RPS6KA2: variants seen among roughly 807,000 people sequenced by gnomAD.
The protein encoded by RPS6KA2 is ribosomal protein S6 kinase alpha-2.
In RPS6KA2, 42 loss-of-function variants were observed where a neutral mutation model predicts 91.8. The ratio of observed to expected loss-of-function variants is 0.46; its 90% CI spans 0.36 to 0.59. The LOEUF (loss-of-function observed/expected upper bound fraction) is 0.59. Ranked by LOEUF, RPS6KA2 falls within the 20% of genes least tolerant of loss-of-function variation. The pLI, the probability that RPS6KA2 is intolerant of heterozygous loss-of-function variation, is 0.00. For synonymous variants in RPS6KA2, 414 were observed against 393.6 expected (o/e 1.05, Z -0.61); for missense variants, 798 against 978.5 (o/e 0.82, Z 2.46).
intron 10 of RPS6KA2, among the ~76,000 whole-genome samples, chr6:166,485,027 C>T (rs1485942873): frequency 6.6e-6 from 1 of 152,238 alleles, no homozygotes. Flanking sequence ...CGAAGAACGA[C>T]CTGTTCTCCT....
chr6:166,601,860 C>A (rs1785741972), intron 1 of RPS6KA2, among the ~76,000 whole-genome samples: 1 of 151,990 alleles, frequency 6.6e-6, no homozygotes, highest in African/African-American at 2.4e-5. Context: ...ACACAGAAAG[C>A]ATATAATGTA....
At chr6:166,721,859 TGC>T (rs1790185461) in intron 2 of RPS6KA2, among the ~76,000 whole-genome samples, 2 of 98,536 alleles carry the variant, frequency 2.0e-5, no homozygotes, top group Non-Finnish European at 4.3e-5. Context: ...GAGGAGCCGG[TGC>T]CAGCCTCGGC....
chr6:166,836,878 C>T (rs1047868745), intron 2 of RPS6KA2, among the ~76,000 whole-genome samples: 11 of 152,208 alleles, frequency 7.2e-5, no homozygotes, highest in African/African-American at 2.2e-4. Flanking sequence ...GTCCCTGAGC[C>T]GGGATTTGTC....
At chr6:166,424,189 A>G (rs1309226997) in intron 16 of RPS6KA2, among the ~76,000 whole-genome samples, 1 of 152,230 alleles carries the variant, frequency 6.6e-6, no homozygotes, top group Non-Finnish European at 1.5e-5. Flanking sequence ...CCTGGTTTAC[A>G]GAGGTCCTGA....
intron 2 of RPS6KA2, among the ~76,000 whole-genome samples, chr6:166,768,359 G>A (rs1778375899): frequency 6.6e-6 from 1 of 152,206 alleles, no homozygotes; most frequent in Admixed American, 6.5e-5. Flanking sequence ...ACAATTAGCT[G>A]TGAAACTAGA....
At chr6:166,620,976 C>A (rs1786605026) in intron 1 of RPS6KA2, among the ~76,000 whole-genome samples, 1 of 152,158 alleles carries the variant, frequency 6.6e-6, no homozygotes, top group African/African-American at 2.4e-5. Flanking sequence ...AACAGGGACA[C>A]CACCTGCTCC....
chr6:166,446,951 C>T (rs1172067753), intron 14 of RPS6KA2, among the ~76,000 whole-genome samples: 1 of 152,128 alleles, frequency 6.6e-6, no homozygotes, highest in African/African-American at 2.4e-5. Flanking sequence ...TTTCAAAGTA[C>T]AAGTGAAATT....
At chr6:166,457,646 C>A (rs1780146256) in intron 12 of RPS6KA2, among the ~76,000 whole-genome samples, 1 of 152,198 alleles carries the variant, frequency 6.6e-6, no homozygotes, top group Non-Finnish European at 1.5e-5. Flanking sequence ...AATCAGCTTT[C>A]TTCCTGTTCT....
In RPS6KA2 at chr6:166,821,480, C is replaced by T. The variant is rs1230664946; in HGVS notation, c.123+36720G>A. 6.6e-6 allele frequency among the ~76,000 whole-genome samples: 1 copy of T among 152,136 alleles called. No individual in the cohort carries two copies. Among genetic ancestry groups the T allele is most frequent in the East Asian group, 1.9e-4 (1 of 5,186 alleles). The stretch of plus-strand genomic sequence containing the variant: ...TGTCTTCTTCCAGAAATCCCGGCTT[C>T]TCCTGTAAACGCTGCAGTCAGTCTC... On this transcript the variant is annotated intron_variant, in intron 2 of 21. Coordinates refer to the RPS6KA2 transcript ENST00000503859. The surrounding 1 kb of genome is among the most constrained non-coding windows in gnomAD (Gnocchi z 4.1).
At chr6:166,642,267 A>G (rs1488511265) in intron 2 of RPS6KA2, among the ~76,000 whole-genome samples, 1 of 152,234 alleles carries the variant, frequency 6.6e-6, no homozygotes, top group East Asian at 1.9e-4. Flanking sequence ...GTGCTAAGAG[A>G]AAATAACTTT....
In RPS6KA2 at chr6:166,561,217, GCAGGAGCCCT is replaced by G. The variant is rs1400335467; in HGVS notation, c.100-22443_100-22434del. 5.3e-5 allele frequency among the ~76,000 whole-genome samples: 8 copies of G among 152,252 alleles called. No homozygotes were observed. In the East Asian group the frequency reaches 1.4e-3, roughly 26 times the overall value. Reference sequence around the variant, plus strand: ...TCAGGAGACCCTGGAAGGCCAGCGGGCAGGAGCCCTGACCTGCAAATGTGTTGTCATCTCC... The same window carrying G: ...TCAGGAGACCCTGGAAGGCCAGCGGGGACCTGCAAATGTGTTGTCATCTCC... On this transcript the variant is annotated intron_variant, in intron 1 of 20. Transcript: ENST00000265678.
intron 3 of RPS6KA2, among the ~76,000 whole-genome samples, chr6:166,527,750 T>G (rs971242185): frequency 1.3e-5 from 2 of 152,094 alleles, no homozygotes; most frequent in Non-Finnish European, 2.9e-5. Flanking sequence ...CTCATCTACT[T>G]CCTGTCTCTA....
chr6:166,661,500 C>T (rs958489635), intron 2 of RPS6KA2, among the ~76,000 whole-genome samples: 15 of 151,996 alleles, frequency 9.9e-5, no homozygotes, highest in African/African-American at 3.6e-4. Flanking sequence ...AAATTATGTC[C>T]GAGTCCTTTG....
chr6:166,579,147 G>C (rs775390862), intron 1 of RPS6KA2, among the ~76,000 whole-genome samples: 18 of 152,144 alleles, frequency 1.2e-4, no homozygotes, highest in Non-Finnish European at 2.2e-4. Context: ...CTGCCAAAGG[G>C]GTTTGTGATC....
chr6:166,796,946 C>T (rs1338246945), intron 2 of RPS6KA2, among the ~76,000 whole-genome samples: 2 of 152,256 alleles, frequency 1.3e-5, no homozygotes, highest in East Asian at 3.8e-4. Flanking sequence ...TGGAGGCTCC[C>T]AGGTACCGAA....
chr6:166,746,095 T>A (rs761497666), intron 2 of RPS6KA2, among the ~76,000 whole-genome samples: 21 of 152,128 alleles, frequency 1.4e-4, no homozygotes, highest in Non-Finnish European at 2.8e-4. Flanking sequence ...CTCTACAGAT[T>A]TCTTTAGATG....
At chr6:166,777,712 A>G (rs1778662139) in intron 2 of RPS6KA2, among the ~76,000 whole-genome samples, 1 of 152,242 alleles carries the variant, frequency 6.6e-6, no homozygotes. Context: ...ATCCAAGAGA[A>G]TCTACAGAGA....
intron 10 of RPS6KA2, among the ~76,000 whole-genome samples, chr6:166,480,953 T>C (rs1422641687): frequency 6.6e-6 from 1 of 152,206 alleles, no homozygotes; most frequent in Non-Finnish European, 1.5e-5. Context: ...TATATACATA[T>C]CTTTCTTCTA....
intron 19 of RPS6KA2, among the ~76,000 whole-genome samples, chr6:166,417,091 A>G (rs1004365162): frequency 6.6e-6 from 1 of 152,196 alleles, no homozygotes; most frequent in African/African-American, 2.4e-5. Flanking sequence ...GAATTTGATG[A>G]TGCCAAGTAA....
Sources: gnomAD v4.1 joint callset for allele counts (sites outside exome capture counted in the v4.1 genomes callset) on GRCh38, gnomAD v4.1.1 for gene constraint, Gnocchi (gnomAD v3.1) non-coding constraint, MANE v1.5 for transcripts, NCBI Gene and HGNC (gene_info 2026-07-23, HGNC 2026-07-21) for gene names.